The following APC2 variants were observed in gnomAD, a reference collection of about 807,000 sequenced individuals.
The protein encoded by APC2 is APC regulator of Wnt signaling pathway 2.
A neutral mutation model predicts 72.5 loss-of-function variants in APC2; 41 were observed. The ratio of observed to expected loss-of-function variants is 0.57; its 90% CI spans 0.44 to 0.73. The LOEUF (loss-of-function observed/expected upper bound fraction) is 0.73, where lower values mean the gene tolerates loss of function less well. APC2 is among the 30% of genes least tolerant of loss of function. The probability of loss-of-function intolerance (pLI) is 0.00; values close to 1 mark genes in which losing one functional copy is unlikely to be tolerated. For missense variants in APC2, 3,729 were observed against 3,403.4 expected (o/e 1.10, Z -2.38); for synonymous variants, 1,898 against 1,612.0 (o/e 1.18, Z -4.25).
upstream of APC2, among the ~76,000 whole-genome samples, chr19:1,449,429 C>T (rs2083717026): frequency 6.6e-6 from 1 of 152,146 alleles, no homozygotes; most frequent in African/African-American, 2.4e-5. Flanking sequence ...GGCCTTCGGT[C>T]CGTGAGGGTG....
In APC2 at chr19:1,452,792, T is replaced by G. The variant is rs937739210; in HGVS notation, c.-18-192T>G. On this transcript the variant is annotated intron_variant, in intron 1 of 14. Transcript: ENST00000590469. This position sits in a 1 kb window ranked among gnomAD's most constrained non-coding sequence, Gnocchi z 5.1. Reference sequence around the variant, plus strand: ...GGCCACCTCTCACTCCACCTGCCCCTCTGCGCCCCGGATTGCCTGGCCACC... The same window carrying G: ...GGCCACCTCTCACTCCACCTGCCCCGCTGCGCCCCGGATTGCCTGGCCACC... 1.4e-5 allele frequency: 9 copies of G among 641,826 alleles called. No homozygotes were observed. Among genetic ancestry groups the G allele is most frequent in the African/African-American group, 1.8e-5 (1 of 54,692 alleles). The allele number at this position is 641,826 out of a possible 1,614,324, so 39.8% of individuals were successfully genotyped here. A position where few individuals can be genotyped will look rare whatever the true frequency, so the allele number is the denominator to read the frequency against.
rs2084132916 is a variant in APC2, at chr19:1,471,457, CCTGAGGGG to C, written c.*1247_*1254del. On this transcript the variant is annotated 3_prime_UTR_variant, in exon 15 of 15. Transcript: ENST00000590469. ...GATGAGGTGAAAGCTTATAGAAGGG[CCTGAGGGG>C]CTCGGCTGCCTCATCCCCTGGCGGG... The C allele has an allele frequency of 6.6e-6, 1 of 152,236 alleles. No individual in the cohort carries two copies. Among genetic ancestry groups the C allele is most frequent in the Non-Finnish European group, 1.5e-5 (1 of 68,054 alleles). 9.4% of individuals were successfully genotyped at this position (152,236 alleles called of 1,614,324 possible).
chr19:1,466,070 C>T lies in APC2; in HGVS notation c.2769C>T (p.Ser923=), dbSNP rs2084007276. 3 of 1,522,052 alleles carry T rather than the reference C, an allele frequency of 2.0e-6. No homozygotes were observed. The highest frequency in any genetic ancestry group is 2.6e-6 in the Non-Finnish European group (3 of 1,143,770). The allele number at this position is 1,522,052 out of a possible 1,614,324, so 94.3% of individuals were successfully genotyped here. Residue 923 remains serine, a synonymous_variant, in exon 15 of 15, where the codon TCC becomes TCT. Coordinates refer to ENST00000590469, the MANE Select transcript of APC2 (RefSeq NM_005883.3). ...LRLKAAHASL[S]NDSLNSGSAS... is the part of the protein sequence containing the mutation. ...TCAAGGCGGCCCACGCCAGCCTCTC[C>T]AACGACAGCCTCAACAGCGGCAGTG... is the stretch of plus-strand genomic sequence containing the variant.
In APC2 at chr19:1,468,563, G is replaced by A. The variant is rs1197300999; in HGVS notation, c.5262G>A (p.Arg1754=). The stretch of plus-strand genomic sequence containing the variant: ...GCAGTGCCCGGCGGCCAGAGAAAAG[G>A]GGCGCAGCCTCAGTCAAGACCAGCG... ...EMGSARRPEK[R]GAASVKTSGS... is the part of the protein sequence containing the mutation. Residue 1754 remains arginine (R), a synonymous_variant, in exon 15 of 15, where the codon AGG becomes AGA. Coordinates refer to ENST00000590469, the MANE Select transcript of APC2 (RefSeq NM_005883.3). 6.9e-6 allele frequency: 11 copies of A among 1,597,872 alleles called. No individual in the cohort carries two copies. Among genetic ancestry groups the A allele is most frequent in the African/African-American group, 1.3e-5 (1 of 74,590 alleles).
At chr19:1,457,313 G>C (rs1268331529) in intron 9 of APC2, 70 bp downstream of exon 9, 1 of 1,456,196 alleles carries the variant, frequency 6.9e-7, no homozygotes, top group African/African-American at 1.5e-5. Context: ...GGGGATGGGC[G>C]ACTAGGACCT....
At chr19:1,450,117 G>C, upstream of APC2, 1 of 983,976 alleles carries the variant, frequency 1.0e-6, no homozygotes, top group Non-Finnish European at 1.2e-6. Context: ...ATCCTCCCCC[G>C]CTCGCGGTGG....
Position 1,465,902 on chromosome 19 carries a change from G to A in APC2, c.2601G>A (p.Ser867=). 1.3e-6 allele frequency: 2 copies of A among 1,578,042 alleles called. No homozygotes were observed. Among genetic ancestry groups the A allele is most frequent in the Non-Finnish European group, 1.7e-6 (2 of 1,166,756 alleles). ...LVEDISALHT[S]SDDSFSLSSG... ...AGGACATCTCCGCCCTGCACACCTC[G>A]TCCGACGATAGCTTCAGCCTCAGCT... The change falls in exon 15 of 15, where the codon TCG becomes TCA. Residue 867 remains serine (S), a synonymous_variant. Transcript: ENST00000590469.
rs2145256714 is a variant in APC2, at chr19:1,469,013, A to G, written c.5712A>G (p.Gly1904=). 1 of 1,551,304 alleles carries G rather than the reference A, an allele frequency of 6.4e-7. No homozygotes were observed. Among genetic ancestry groups the G allele is most frequent in the Non-Finnish European group, 8.7e-7 (1 of 1,152,110 alleles). ...CTGCTGGGGCCCTGCCCGGCCCCGG[A>G]GCCTCCCCGGTGCCCAAAACGCCGG... ...TQAAGALPGP[G]ASPVPKTPAR... is the part of the protein sequence containing the mutation. Residue 1904 remains glycine, a synonymous_variant, in exon 15 of 15, where the codon GGA becomes GGG. Coordinates refer to ENST00000590469, the MANE Select transcript of APC2 (RefSeq NM_005883.3).
chr19:1,460,675 G>A (rs2083908237), intron 11 of APC2, 105 bp from the exon 12 acceptor site: 3 of 1,198,922 alleles, frequency 2.5e-6, no homozygotes, highest in African/African-American at 3.0e-5. Flanking sequence ...AGGATCAGCA[G>A]GGGTCTGAGT....
rs769100787 is a variant in APC2, at chr19:1,453,356, C to A, written c.232+19C>A. ...CTGAAGGGTGAGCGGTGGGGCCACCCGCAGAGGGAGTGGGGGAGGCTGGGG... is the reference window on the plus strand; with the variant it reads ...CTGAAGGGTGAGCGGTGGGGCCACCAGCAGAGGGAGTGGGGGAGGCTGGGG... On this transcript the variant is annotated intron_variant, in intron 3 of 14. Transcript: ENST00000590469. The A allele has an allele frequency of 1.2e-6, 2 of 1,611,150 alleles. No homozygotes were observed. Among genetic ancestry groups the A allele is most frequent in the South Asian group, 1.1e-5 (1 of 90,928 alleles).
upstream of APC2, among the ~76,000 whole-genome samples, chr19:1,448,954 G>C (rs1658572985): frequency 6.6e-6 from 1 of 152,320 alleles, no homozygotes; most frequent in South Asian, 2.1e-4. Context: ...GTCCAGCTCT[G>C]GGGGCTCCCA....
chr19:1,453,635 C>G, intron 4 of APC2, 24 bp downstream of exon 4: 1 of 1,574,670 alleles, frequency 6.4e-7, no homozygotes, highest in East Asian at 2.3e-5. Context: ...GGAACCCAGC[C>G]TCGGGCAGCT....
rs774456725 is a variant in APC2, at chr19:1,465,759, C to G, written c.2458C>G (p.Pro820Ala). 6.5e-7 allele frequency: 1 copy of G among 1,531,330 alleles called. No individual in the cohort carries two copies. Among genetic ancestry groups the G allele is most frequent in the Non-Finnish European group, 8.8e-7 (1 of 1,141,890 alleles). The allele number at this position is 1,531,330 out of a possible 1,614,324, so 94.9% of individuals were successfully genotyped here. ...GCAGGGGCAGGCGCTGGCTCGCACC[C>G]CGCCCACCCGCCGAGGCGGCAAGGA... ...FLQGQALART[P>A]PTRRGGKEAE... The change falls in exon 15 of 15, where the codon CCG (proline) becomes GCG (alanine). Residue 820 changes from proline to alanine, a missense_variant. Physicochemically the swap from Pro to Ala is conservative, Grantham distance 27 (BLOSUM62 -1). Coordinates refer to ENST00000590469, the MANE Select transcript of APC2 (RefSeq NM_005883.3).
intron 8 of APC2, 131 bp from the exon 9 acceptor site, chr19:1,456,722 C>A: frequency 8.4e-7 from 1 of 1,191,910 alleles, no homozygotes; most frequent in Non-Finnish European, 1.1e-6. Flanking sequence ...TCCTAGCGTC[C>A]CCTCATCTGT....
chr19:1,465,039 A>T (rs949710197), intron 14 of APC2, 116 bp from the exon 15 acceptor site: 4 of 1,167,036 alleles, frequency 3.4e-6, no homozygotes, highest in Non-Finnish European at 4.7e-6. Flanking sequence ...TAGTCTTTCC[A>T]AGATCCAAAC....
Position 1,467,447 on chromosome 19 carries a change from G to T in APC2, c.4146G>T (p.Pro1382=). 6.8e-7 allele frequency: 1 copy of T among 1,473,832 alleles called. No homozygotes were observed. Among genetic ancestry groups the T allele is most frequent in the East Asian group, 2.8e-5 (1 of 35,252 alleles). The allele number at this position is 1,473,832 out of a possible 1,614,324, so 91.3% of individuals were successfully genotyped here. ...ACATGTTGGTGCCCGCCCCGGCCCCGGCCCAGGAGGACGACTCCTGCACTG... is the reference window on the plus strand; with the variant it reads ...ACATGTTGGTGCCCGCCCCGGCCCCTGCCCAGGAGGACGACTCCTGCACTG... ...PVYMLVPAPA[P]AQEDDSCTDS... The change falls in exon 15 of 15, where the codon CCG becomes CCT. Residue 1382 remains proline, a synonymous_variant. Coordinates refer to ENST00000590469, the MANE Select transcript of APC2 (RefSeq NM_005883.3).
At chr19:1,463,247 C>T (rs1006773849) in intron 14 of APC2, among the ~76,000 whole-genome samples, 3 of 151,666 alleles carry the variant, frequency 2.0e-5, no homozygotes, top group Non-Finnish European at 4.4e-5. Context: ...TGAACCCCGT[C>T]TCTACTGCAA....
At chr19:1,457,703 T>G in intron 9 of APC2, 1 of 553,862 alleles carries the variant, frequency 1.8e-6, no homozygotes. Context: ...GTCTCGTCAG[T>G]TTTATTTTTA....
Position 1,467,836 on chromosome 19 carries a change from A to T in APC2, c.4535A>T (p.Asn1512Ile). The change falls in exon 15 of 15, where the codon AAC becomes ATC. Residue 1512 changes from asparagine to isoleucine, a missense_variant. Asn to Ile is a moderately radical substitution (Grantham distance 149, BLOSUM62 -3). Coordinates refer to ENST00000590469, the MANE Select transcript of APC2 (RefSeq NM_005883.3). ...GAGGCCGTGTACTGCTTCTACGGCA[A>T]CGACTCGGACGAGGAGCCCCCGGCG... ...TEEAVYCFYG[N>I]DSDEEPPAAA... The T allele has an allele frequency of 6.6e-7, 1 of 1,525,008 alleles. No homozygotes were observed. 94.5% of individuals were successfully genotyped at this position (1,525,008 alleles called of 1,614,324 possible).
Sources: gnomAD v4.1 joint callset for allele counts (sites outside exome capture counted in the v4.1 genomes callset) on GRCh38, gnomAD v4.1.1 for gene constraint, Gnocchi (gnomAD v3.1) non-coding constraint, MANE v1.5 for transcripts, NCBI Gene and HGNC (gene_info 2026-07-23, HGNC 2026-07-21) for gene names.